Variants in LHFPL3 observed in about 807,000 individuals in gnomAD.
LHFPL3 encodes the protein LHFPL tetraspan subfamily member 3.
LHFPL3 carries 5 observed loss-of-function variants against 19.3 expected under a neutral mutation model. That is an observed-to-expected ratio of 0.26 (90% confidence interval 0.14 to 0.54). The LOEUF is 0.54. Ranked by LOEUF, LHFPL3 falls within the 20% of genes least tolerant of loss-of-function variation. LHFPL3 has a pLI of 0.94. For synonymous variants in LHFPL3, 133 were observed against 126.2 expected (o/e 1.05, Z -0.36); for missense variants, 249 against 307.4 (o/e 0.81, Z 1.42).
At chr7:104,599,259 A>G (rs1402283573) in intron 1 of LHFPL3, among the ~76,000 whole-genome samples, 3 of 152,254 alleles carry the variant, frequency 2.0e-5, no homozygotes, top group East Asian at 1.9e-4. Context: ...ACACATAAAT[A>G]TAGAATAACA....
At chr7:104,567,801 C>G (rs889933268) in intron 1 of LHFPL3, among the ~76,000 whole-genome samples, 3 of 152,174 alleles carry the variant, frequency 2.0e-5, no homozygotes, top group South Asian at 2.1e-4. Context: ...GAAAAACCCT[C>G]AGCATGGACA....
chr7:104,562,556 G>A (rs575011485), intron 1 of LHFPL3, among the ~76,000 whole-genome samples: 25 of 151,840 alleles, frequency 1.6e-4, no homozygotes, highest in African/African-American at 6.0e-4. Flanking sequence ...GCACTTCTCT[G>A]TATTGGTTAT....
At chr7:104,863,880 T>C (rs941229024) in intron 2 of LHFPL3, among the ~76,000 whole-genome samples, 24 of 152,208 alleles carry the variant, frequency 1.6e-4, no homozygotes, top group African/African-American at 5.5e-4. Flanking sequence ...TTGTTCACAG[T>C]AGGCTAAGGC....
At chr7:104,667,660 T>C (rs1174688143) in intron 1 of LHFPL3, 2 of 931,978 alleles carry the variant, frequency 2.1e-6, no homozygotes, top group East Asian at 5.2e-5. Context: ...GGGTAAATAG[T>C]AACTAAAGTT....
chr7:104,357,924 G>GC (rs1227105632), intron 1 of LHFPL3, among the ~76,000 whole-genome samples: 11 of 152,188 alleles, frequency 7.2e-5, no homozygotes, highest in African/African-American at 2.7e-4. Context: ...TTGAAAAACT[G>GC]GGGGTGCTGT....
rs2116611770 is a variant in LHFPL3 at position 104,456,787 on chromosome 7, A to ACTAATGG, written c.445+127564_445+127570dup. Among the ~76,000 whole-genome samples, 4 of 152,320 alleles carry ACTAATGG rather than the reference A, an allele frequency of 2.6e-5. No individual in the cohort carries two copies. In the South Asian group the frequency reaches 8.3e-4, roughly 32 times the overall value. On this transcript the variant is annotated intron_variant, in intron 1 of 2. Coordinates refer to ENST00000424859, the MANE Select transcript of LHFPL3 (RefSeq NM_199000.3). ...TGATAACCTACAAGGCTACTAAGTG[A>ACTAATGG]CTAATGGGTGGGGAGCATCTACAAC...
chr7:104,692,732 A>G (rs1584483284), intron 1 of LHFPL3, among the ~76,000 whole-genome samples: 2 of 152,368 alleles, frequency 1.3e-5, no homozygotes, highest in South Asian at 2.1e-4. Context: ...CAGAGGATGT[A>G]TGAAAATTCC....
chr7:104,462,873 G>T (rs1289206138), intron 1 of LHFPL3, among the ~76,000 whole-genome samples: 2 of 151,616 alleles, frequency 1.3e-5, no homozygotes, highest in African/African-American at 2.4e-5. Flanking sequence ...TGGTCCTGGG[G>T]TTTTTTTTGG....
At chr7:104,893,401 C>A (rs1792291201) in intron 2 of LHFPL3, among the ~76,000 whole-genome samples, 2 of 151,846 alleles carry the variant, frequency 1.3e-5, no homozygotes, top group South Asian at 2.1e-4. Flanking sequence ...GTAGTCCCAG[C>A]TACTCAGGAG....
At chr7:104,482,968 G>C (rs953772116) in intron 1 of LHFPL3, among the ~76,000 whole-genome samples, 1 of 152,200 alleles carries the variant, frequency 6.6e-6, no homozygotes, top group East Asian at 1.9e-4. Flanking sequence ...GGGATTTCAG[G>C]AAATACGTTG....
chr7:104,816,793 T>A (rs984425398), intron 2 of LHFPL3, among the ~76,000 whole-genome samples: 1 of 152,256 alleles, frequency 6.6e-6, no homozygotes, highest in Non-Finnish European at 1.5e-5. Context: ...CCATCTCACC[T>A]TGCCTGACTT....
chr7:104,823,677 T>G (rs1250852085), intron 2 of LHFPL3, among the ~76,000 whole-genome samples: 1 of 152,176 alleles, frequency 6.6e-6, no homozygotes, highest in Non-Finnish European at 1.5e-5. Context: ...TGAGATTAAT[T>G]TGATCTTCAA....
chr7:104,671,266 A>G (rs946149033), intron 1 of LHFPL3, among the ~76,000 whole-genome samples: 2 of 152,140 alleles, frequency 1.3e-5, no homozygotes, highest in African/African-American at 4.8e-5. Context: ...TAAAAAAGAA[A>G]AAAAAACTAT....
chr7:104,343,289 C>A (rs1255441208), intron 1 of LHFPL3, among the ~76,000 whole-genome samples: 2 of 151,542 alleles, frequency 1.3e-5, no homozygotes, highest in African/African-American at 4.8e-5. Flanking sequence ...CTGAGGAGGG[C>A]GGATCATGAG....
At chr7:104,404,732 T>A (rs1325814212) in intron 1 of LHFPL3, among the ~76,000 whole-genome samples, 1 of 152,154 alleles carries the variant, frequency 6.6e-6, no homozygotes, top group African/African-American at 2.4e-5. Flanking sequence ...ACCTGAAAAA[T>A]TCAGGTGAAT....
chr7:104,581,573 C>G (rs978432087), intron 1 of LHFPL3, among the ~76,000 whole-genome samples: 1 of 151,992 alleles, frequency 6.6e-6, no homozygotes, highest in African/African-American at 2.4e-5. Flanking sequence ...AAGAAAACTT[C>G]CCTGCCCTCA....
intron 1 of LHFPL3, among the ~76,000 whole-genome samples, chr7:104,462,683 A>G (rs1228544946): frequency 6.6e-6 from 1 of 152,160 alleles, no homozygotes; most frequent in Admixed American, 6.5e-5. Context: ...CATCAAGGAT[A>G]TTGGCCTCAA....
Position 104,734,617 on chromosome 7 carries a change from C to T in LHFPL3, c.446-2058C>T, listed in dbSNP as rs192442032. 7.7e-3 allele frequency among the ~76,000 whole-genome samples: 1,177 copies of T among 152,194 alleles called. 11 individuals carry two copies. The highest frequency in any genetic ancestry group is 0.012 in the Non-Finnish European group (828 of 67,998). On this transcript the variant is annotated intron_variant, in intron 1 of 2. Transcript: ENST00000424859. The stretch of plus-strand genomic sequence containing the variant: ...GCATTGGTTATTCTAGTTAGCCATT[C>T]GTCTAATCTTTTTTCAAGGTTTTTA...
intron 2 of LHFPL3, among the ~76,000 whole-genome samples, chr7:104,813,189 G>A (rs1453869333): frequency 2.0e-5 from 3 of 151,526 alleles, no homozygotes; most frequent in African/African-American, 7.3e-5. Flanking sequence ...GAGGTGGGAG[G>A]ATCACTTGAG....
Sources: gnomAD v4.1 joint callset for allele counts (sites outside exome capture counted in the v4.1 genomes callset) on GRCh38, gnomAD v4.1.1 for gene constraint, MANE v1.5 for transcripts, NCBI Gene and HGNC (gene_info 2026-07-23, HGNC 2026-07-21) for gene names.